Variants in MRPS28 observed in about 807,000 individuals in gnomAD.
The protein encoded by MRPS28 is small ribosomal subunit protein bS1m.
Under a neutral mutation model 10.8 loss-of-function variants are expected in MRPS28, and 7 were observed. The observed-to-expected ratio is 0.65, with a 90% CI of 0.37 to 1.22. MRPS28 has a LOEUF of 1.22. Ranked by LOEUF, MRPS28 falls within the 50% of genes most tolerant of loss-of-function variation. The probability of loss-of-function intolerance (pLI) is 0.02; values close to 1 mark genes in which losing one functional copy is unlikely to be tolerated. For missense variants in MRPS28, 265 were observed against 232.9 expected, an observed-to-expected ratio of 1.14 and a Z score of -0.90; for synonymous variants, 121 against 93.3, an observed-to-expected ratio of 1.30 and a Z score of -1.71.
chr8:80,020,185 A>G (rs376219319), intron 1 of MRPS28, among the ~76,000 whole-genome samples: 2 of 152,188 alleles, frequency 1.3e-5, no homozygotes, highest in Non-Finnish European at 2.9e-5. Flanking sequence ...ACCATAAGGC[A>G]TTGTGGAGAG....
chr8:80,028,722 G>C (rs1809562678), intron 1 of MRPS28: 1 of 133,972 alleles, frequency 7.5e-6, no homozygotes, highest in Admixed American at 8.7e-5. Flanking sequence ...CCAGCACTTT[G>C]GGAGGCCAAC....
At chr8:80,004,715 C>T (rs1396540171) in intron 1 of MRPS28, among the ~76,000 whole-genome samples, 4 of 152,202 alleles carry the variant, frequency 2.6e-5, no homozygotes, top group Non-Finnish European at 4.4e-5. Context: ...CAGAACCCAT[C>T]GCAAAGAAGC....
intron 2 of MRPS28, among the ~76,000 whole-genome samples, chr8:79,944,993 C>G (rs1021228953): frequency 1.3e-5 from 2 of 152,048 alleles, no homozygotes; most frequent in African/African-American, 4.8e-5. Flanking sequence ...CCACAACCAG[C>G]CTAAAGCTAT....
intron 2 of MRPS28, among the ~76,000 whole-genome samples, chr8:80,001,506 A>G (rs1586088070): frequency 6.6e-6 from 1 of 152,256 alleles, no homozygotes; most frequent in Admixed American, 6.5e-5. Flanking sequence ...TAACAATAGT[A>G]GCATTTGTTT....
chr8:80,025,247 G>C (rs1028531899), intron 1 of MRPS28, among the ~76,000 whole-genome samples: 2 of 152,278 alleles, frequency 1.3e-5, no homozygotes, highest in South Asian at 4.1e-4. Context: ...AATCAGGAAT[G>C]AAAGATGATA....
Position 80,025,859 on chromosome 8 carries a change from C to T in MRPS28, c.213+4177G>A, listed in dbSNP as rs576379232. Among the ~76,000 whole-genome samples, 3 of 152,280 alleles carry T rather than the reference C, an allele frequency of 2.0e-5. No homozygotes were observed. The South Asian group carries it at 6.2e-4, about 32-fold the overall frequency. On this transcript the variant is annotated intron_variant, in intron 1 of 2. Transcript: ENST00000276585. Reference sequence around the variant, plus strand: ...CAAGATTGCATGACTGCAGAATTTACACTCTTTAACTGTAATATATTTTAA... The same window carrying T: ...CAAGATTGCATGACTGCAGAATTTATACTCTTTAACTGTAATATATTTTAA...
At chr8:80,022,451 C>A (rs907030873) in intron 1 of MRPS28, among the ~76,000 whole-genome samples, 4 of 152,190 alleles carry the variant, frequency 2.6e-5, no homozygotes, top group Admixed American at 2.0e-4. Context: ...ACACCCAGTT[C>A]TCAGTGTACA....
chr8:79,926,930 T>C (rs1810247933), intron 2 of MRPS28, among the ~76,000 whole-genome samples: 2 of 152,218 alleles, frequency 1.3e-5, no homozygotes, highest in Non-Finnish European at 2.9e-5. Context: ...ACTTCCCATA[T>C]GAGTCTGGTC....
chr8:79,991,992 T>G (rs1808380463), intron 2 of MRPS28, among the ~76,000 whole-genome samples: 1 of 150,852 alleles, frequency 6.6e-6, no homozygotes, highest in East Asian at 2.0e-4. Flanking sequence ...TGCTATGTTG[T>G]GAGGGCACTC....
At chr8:80,001,496 T>C (rs898688756) in intron 2 of MRPS28, among the ~76,000 whole-genome samples, 1 of 152,194 alleles carries the variant, frequency 6.6e-6, no homozygotes, top group Non-Finnish European at 1.5e-5. Flanking sequence ...AAAATAACAA[T>C]AACAATAGTA....
chr8:79,950,458 T>A (rs980079955), intron 2 of MRPS28, among the ~76,000 whole-genome samples: 9 of 152,196 alleles, frequency 5.9e-5, no homozygotes, highest in African/African-American at 2.2e-4. Flanking sequence ...AGGGTATAAT[T>A]CTCTAGATAA....
chr8:80,023,206 C>T lies in MRPS28; in HGVS notation c.213+6830G>A, dbSNP rs117231907. On this transcript the variant is annotated intron_variant, in intron 1 of 2. Coordinates refer to ENST00000276585, the MANE Select transcript of MRPS28 (RefSeq NM_014018.3). The stretch of plus-strand genomic sequence containing the variant: ...TAATGTAAAAACAGGTTGGCACCAT[C>T]GTTAAAACCAGAAACATTTTCCATC... 6.3e-3 allele frequency among the ~76,000 whole-genome samples: 963 copies of T among 152,232 alleles called. 14 individuals are homozygous for T. Among genetic ancestry groups the T allele is most frequent in the East Asian group, 0.056 (292 of 5,188 alleles).
chr8:79,979,862 T>C (rs59612245), intron 2 of MRPS28, among the ~76,000 whole-genome samples: 2,143 of 136,826 alleles, frequency 0.016, 57 homozygotes, highest in African/African-American at 0.055. Flanking sequence ...GCATAAAGCA[T>C]TGTCAAGCTG....
intron 2 of MRPS28, among the ~76,000 whole-genome samples, chr8:79,928,389 C>T (rs903059401): frequency 2.0e-5 from 3 of 151,934 alleles, no homozygotes; most frequent in African/African-American, 7.2e-5. Flanking sequence ...GAGTTCGTGA[C>T]TTGACCATAG....
chr8:79,996,043 G>A (rs1159622576), intron 2 of MRPS28, among the ~76,000 whole-genome samples: 1 of 152,026 alleles, frequency 6.6e-6, no homozygotes, highest in Non-Finnish European at 1.5e-5. Flanking sequence ...TTATAATTAT[G>A]ACCCTGGGTC....
intron 2 of MRPS28, among the ~76,000 whole-genome samples, chr8:79,997,162 G>GA (rs753783937): frequency 3.3e-5 from 5 of 152,124 alleles, no homozygotes; most frequent in East Asian, 1.9e-4. Context: ...TAATATGACA[G>GA]AAAAAAATGT....
intron 2 of MRPS28, among the ~76,000 whole-genome samples, chr8:79,965,298 T>C (rs540846388): frequency 6.6e-6 from 1 of 152,228 alleles, no homozygotes; most frequent in Admixed American, 6.5e-5. Flanking sequence ...CACTGTTAAA[T>C]AAGCAAACCC....
chr8:79,962,128 G>A (rs887220669), intron 2 of MRPS28, among the ~76,000 whole-genome samples: 12 of 151,776 alleles, frequency 7.9e-5, no homozygotes, highest in East Asian at 1.9e-4. Flanking sequence ...TCAAAACTGC[G>A]CTTGTAGTGA....
chr8:79,981,450 G>C (rs1807950774), intron 2 of MRPS28, among the ~76,000 whole-genome samples: 1 of 152,198 alleles, frequency 6.6e-6, no homozygotes, highest in Non-Finnish European at 1.5e-5. Flanking sequence ...ATTGCAGTTA[G>C]GAAAGATATT....
Sources: gnomAD v4.1 joint callset for allele counts (sites outside exome capture counted in the v4.1 genomes callset) on GRCh38, gnomAD v4.1.1 for gene constraint, MANE v1.5 for transcripts, NCBI Gene and HGNC (gene_info 2026-07-23, HGNC 2026-07-21) for gene names.